TBC1D22A: variants seen among roughly 807,000 people sequenced by gnomAD.
The protein encoded by TBC1D22A is TBC1 domain family member 22A, also known as putative GTPase activator.
TBC1D22A carries 38 observed loss-of-function variants against 60.2 expected under a neutral mutation model. The ratio of observed to expected loss-of-function variants is 0.63; its 90% CI spans 0.49 to 0.83. The LOEUF is 0.83. Ranked by LOEUF, TBC1D22A falls within the 40% of genes least tolerant of loss-of-function variation. The pLI, the probability that TBC1D22A is intolerant of heterozygous loss-of-function variation, is 0.00. For missense variants in TBC1D22A, 628 were observed against 701.0 expected (o/e 0.90, Z 1.18); for synonymous variants, 302 against 281.7 (o/e 1.07, Z -0.72).
chr22:46,797,595 G>A lies in TBC1D22A; in HGVS notation c.612G>A (p.Leu204=), dbSNP rs1032612976. Residue 204 remains leucine (L), a synonymous_variant, in exon 4 of 13, where the codon CTG becomes CTA. Coordinates refer to ENST00000337137, the MANE Select transcript of TBC1D22A (RefSeq NM_014346.5). ...EASRLDKFKQ[L]LAGPNTDLEE... is the part of the protein sequence containing the mutation. ...CCCGGCTCGACAAGTTCAAGCAGCT[G>A]CTTGCCGGCCCCAACACGGACCTTG... 5 of 1,609,794 alleles carry A rather than the reference G, an allele frequency of 3.1e-6. No individual in the cohort carries two copies. Among genetic ancestry groups the A allele is most frequent in the Admixed American group, 3.4e-5 (2 of 59,616 alleles).
intron 11 of TBC1D22A, among the ~76,000 whole-genome samples, chr22:47,081,061 G>A (rs142884525): frequency 0.057 from 8,651 of 150,952 alleles, 279 homozygotes; most frequent in South Asian, 0.083. Context: ...CGAAGGTTGC[G>A]GTGAGCCGAA....
intron 10 of TBC1D22A, among the ~76,000 whole-genome samples, chr22:47,007,753 C>T (rs1267410678): frequency 6.6e-6 from 1 of 152,146 alleles, no homozygotes; most frequent in African/African-American, 2.4e-5. Context: ...TCTGCCATCT[C>T]TTATAGGGAC....
intron 5 of TBC1D22A, among the ~76,000 whole-genome samples, chr22:46,882,401 T>A (rs1250420688): frequency 6.6e-6 from 1 of 152,172 alleles, no homozygotes; most frequent in Non-Finnish European, 1.5e-5. Flanking sequence ...TTGGGGGTTC[T>A]CACGTGTGCC....
chr22:46,947,816 C>T (rs188646199), intron 8 of TBC1D22A, among the ~76,000 whole-genome samples: 1 of 152,188 alleles, frequency 6.6e-6, no homozygotes, highest in Non-Finnish European at 1.5e-5. Context: ...TCCATATCAA[C>T]CTGTTCAGTA....
intron 11 of TBC1D22A, among the ~76,000 whole-genome samples, chr22:47,043,347 G>A (rs1422085162): frequency 4.6e-5 from 7 of 152,104 alleles, no homozygotes; most frequent in Non-Finnish European, 8.8e-5. Context: ...GGGCCGGGGC[G>A]ACGGGCACGA....
At chr22:47,108,719 G>A (rs750303392) in intron 11 of TBC1D22A, among the ~76,000 whole-genome samples, 9 of 152,118 alleles carry the variant, frequency 5.9e-5, no homozygotes, top group Non-Finnish European at 1.0e-4. Flanking sequence ...TTTTTGAGAC[G>A]GAGTCTTGCT....
chr22:47,030,984 A>G (rs760952983), intron 10 of TBC1D22A, among the ~76,000 whole-genome samples: 13 of 152,156 alleles, frequency 8.5e-5, no homozygotes, highest in East Asian at 1.9e-4. Context: ...GAGTCGTGCT[A>G]AGTGACCACT....
intron 4 of TBC1D22A, among the ~76,000 whole-genome samples, chr22:46,808,686 C>T (rs2085253781): frequency 6.6e-6 from 1 of 152,144 alleles, no homozygotes; most frequent in South Asian, 2.1e-4. Context: ...GCTCCGCCTC[C>T]TGAGTTCACG....
intron 4 of TBC1D22A, among the ~76,000 whole-genome samples, chr22:46,829,649 G>A (rs2086222295): frequency 6.6e-6 from 1 of 152,158 alleles, no homozygotes; most frequent in Non-Finnish European, 1.5e-5. Flanking sequence ...ATTTACAGTG[G>A]CCTGTTTGCC....
At position 46,982,517 on chromosome 22, in the gene TBC1D22A, C is replaced by T. The variant is rs192744625; in HGVS notation, c.1125+8118C>T. On this transcript the variant is annotated intron_variant, in intron 9 of 12. Transcript: ENST00000337137. ...GATTACAGGCGTGAGCCACTGCGCC[C>T]GGCCAAGAGACAGTCTTTTTAGTCA... Among the ~76,000 whole-genome samples, 424 of 152,246 alleles carry T rather than the reference C, an allele frequency of 2.8e-3. 2 individuals are homozygous for T. In the South Asian group the frequency reaches 0.034, roughly 12 times the overall value.
intron 4 of TBC1D22A, among the ~76,000 whole-genome samples, chr22:46,849,780 G>A (rs1323558219): frequency 1.3e-5 from 2 of 152,176 alleles, no homozygotes; most frequent in Non-Finnish European, 2.9e-5. Context: ...CAGCTCTGCC[G>A]TGCTCCGTGA....
chr22:46,969,797 TGTG>T (rs1307531507), intron 8 of TBC1D22A, among the ~76,000 whole-genome samples: 1 of 152,016 alleles, frequency 6.6e-6, no homozygotes, highest in Non-Finnish European at 1.5e-5. Flanking sequence ...TGTAGGGAGG[TGTG>T]GTGACTGATG....
At chr22:47,097,092 G>A (rs939171371) in intron 11 of TBC1D22A, among the ~76,000 whole-genome samples, 5 of 151,974 alleles carry the variant, frequency 3.3e-5, no homozygotes, top group Non-Finnish European at 7.4e-5. Flanking sequence ...ACATGAGTAT[G>A]GGCGTGGCCC....
intron 4 of TBC1D22A, among the ~76,000 whole-genome samples, chr22:46,815,975 T>A (rs1389839084): frequency 6.6e-6 from 1 of 152,130 alleles, no homozygotes; most frequent in Non-Finnish European, 1.5e-5. Context: ...ACTGCAGCCT[T>A]GGGGAGGGCT....
intron 10 of TBC1D22A, among the ~76,000 whole-genome samples, chr22:47,003,501 C>T (rs2061466157): frequency 6.7e-6 from 1 of 148,946 alleles, no homozygotes; most frequent in Non-Finnish European, 1.5e-5. Context: ...TGCCTGTACA[C>T]ACACACCCGC....
chr22:47,083,963 T>G (rs975243747), intron 11 of TBC1D22A, among the ~76,000 whole-genome samples: 4 of 152,188 alleles, frequency 2.6e-5, no homozygotes, highest in African/African-American at 9.7e-5. Context: ...ATTTACAAAA[T>G]TTTGTGAATT....
At chr22:46,959,936 A>G (rs1229535494) in intron 8 of TBC1D22A, among the ~76,000 whole-genome samples, 2 of 152,188 alleles carry the variant, frequency 1.3e-5, no homozygotes, top group African/African-American at 4.8e-5. Context: ...ACACCTCTGA[A>G]AGTCTCCTTT....
intron 5 of TBC1D22A, among the ~76,000 whole-genome samples, chr22:46,889,649 A>T (rs12170380): frequency 7.2e-5 from 11 of 152,200 alleles, no homozygotes; most frequent in Non-Finnish European, 2.9e-5. Context: ...TTCAACGGAC[A>T]CAGCTAGAAA....
chr22:46,835,936 A>G (rs2086496925), intron 4 of TBC1D22A, among the ~76,000 whole-genome samples: 1 of 152,186 alleles, frequency 6.6e-6, no homozygotes, highest in Non-Finnish European at 1.5e-5. Context: ...GATATATTCA[A>G]AGTAATGCAA....
Sources: gnomAD v4.1 joint callset for allele counts (sites outside exome capture counted in the v4.1 genomes callset) on GRCh38, gnomAD v4.1.1 for gene constraint, MANE v1.5 for transcripts, NCBI Gene and HGNC (gene_info 2026-07-23, HGNC 2026-07-21) for gene names.